Variants in PKIB observed in about 807,000 individuals in gnomAD.
The protein encoded by PKIB is PKI-beta.
In PKIB, 2 loss-of-function variants were observed where a neutral mutation model predicts 4.5. That is an observed-to-expected ratio of 0.44 (90% CI 0.18 to 1.39). The LOEUF is 1.39. Ranked by LOEUF, PKIB falls within the 40% of genes most tolerant of loss-of-function variation. The pLI is 0.27. For missense variants in PKIB, 94 were observed against 92.6 expected, an observed-to-expected ratio of 1.02 and a Z score of -0.06; for synonymous variants, 38 against 36.0, an observed-to-expected ratio of 1.06 and a Z score of -0.20.
chr6:122,503,903 CTGTTA>C (rs1425531465), intron 2 of PKIB, among the ~76,000 whole-genome samples: 14 of 152,158 alleles, frequency 9.2e-5, no homozygotes, highest in African/African-American at 3.4e-4. Flanking sequence ...AAAGTGGTTT[CTGTTA>C]TATTTAGTCA....
intron 2 of PKIB, among the ~76,000 whole-genome samples, chr6:122,533,224 C>T (rs1308964625): frequency 2.0e-5 from 3 of 151,848 alleles, no homozygotes; most frequent in African/African-American, 4.8e-5. Context: ...GACTGGAGTG[C>T]AGTGGCATGA....
intron 2 of PKIB, among the ~76,000 whole-genome samples, chr6:122,563,526 C>A (rs1773094020): frequency 6.6e-6 from 1 of 151,968 alleles, no homozygotes; most frequent in Admixed American, 6.6e-5. Flanking sequence ...CTAGATCTCC[C>A]AAGATTAATA....
chr6:122,612,553 G>C (rs897672670), intron 1 of PKIB, among the ~76,000 whole-genome samples: 1 of 152,022 alleles, frequency 6.6e-6, no homozygotes, highest in African/African-American at 2.4e-5. Flanking sequence ...ATACTATATG[G>C]TCTTTTGCTT....
intron 3 of PKIB, among the ~76,000 whole-genome samples, chr6:122,602,128 G>A (rs1774389049): frequency 6.6e-6 from 1 of 152,092 alleles, no homozygotes; most frequent in Non-Finnish European, 1.5e-5. Context: ...AATCATAGCG[G>A]TGCTTCAACT....
At chr6:122,601,334 C>T (rs1424192428) in intron 3 of PKIB, among the ~76,000 whole-genome samples, 2 of 151,910 alleles carry the variant, frequency 1.3e-5, no homozygotes, top group Non-Finnish European at 2.9e-5. Flanking sequence ...ATTAAAATGA[C>T]TTAAAATTAT....
chr6:122,494,956 A>G lies in PKIB; in HGVS notation c.-248+17017A>G, dbSNP rs946085727. On this transcript the variant is annotated intron_variant, in intron 2 of 6. Coordinates refer to the PKIB transcript ENST00000392491. The stretch of plus-strand genomic sequence containing the variant: ...AGCCACCTGGAGTCTTTGCACAGGC[A>G]CTGTTTAAGCCCATGTGAAGCCCCA... Among the ~76,000 whole-genome samples the G allele has an allele frequency of 3.3e-5, 5 of 152,304 alleles. No homozygotes were observed. In the South Asian group the frequency reaches 8.3e-4, roughly 25 times the overall value.
At chr6:122,594,097 T>C (rs1423248996) in intron 3 of PKIB, among the ~76,000 whole-genome samples, 1 of 151,986 alleles carries the variant, frequency 6.6e-6, no homozygotes, top group Non-Finnish European at 1.5e-5. Flanking sequence ...CAACCAGAAA[T>C]GCACCAATCC....
intron 2 of PKIB, among the ~76,000 whole-genome samples, chr6:122,664,318 G>C (rs1777131497): frequency 6.6e-6 from 1 of 152,172 alleles, no homozygotes; most frequent in Non-Finnish European, 1.5e-5. Flanking sequence ...AATTCAGCTA[G>C]TTATGAATGT....
rs1367149402 is a variant in PKIB at position 122,671,951 on chromosome 6, A to T, written c.-75-3127A>T. Among the ~76,000 whole-genome samples, 5 of 152,156 alleles carry T rather than the reference A, an allele frequency of 3.3e-5. No individual in the cohort carries two copies. In the East Asian group the frequency reaches 7.7e-4, roughly 23 times the overall value. The stretch of plus-strand genomic sequence containing the variant: ...GTTTTACCAAACCCTAGTACCAAAA[A>T]TTACCTTAATTCCTGTTAGTTAATG... On this transcript the variant is annotated intron_variant, in intron 2 of 4. Coordinates refer to ENST00000368452, the MANE Select transcript of PKIB (RefSeq NM_181795.3).
At chr6:122,551,555 T>C (rs927424031) in intron 2 of PKIB, among the ~76,000 whole-genome samples, 6 of 152,202 alleles carry the variant, frequency 3.9e-5, no homozygotes, top group Non-Finnish European at 8.8e-5. Context: ...TTTCTCTCTA[T>C]TGTTCATGTT....
At chr6:122,486,468 T>C (rs2114528138) in intron 2 of PKIB, among the ~76,000 whole-genome samples, 1 of 152,240 alleles carries the variant, frequency 6.6e-6, no homozygotes, top group East Asian at 1.9e-4. Context: ...GCATTTTAAG[T>C]TTATTTCTGT....
At chr6:122,681,862 G>T (rs997093326) in intron 3 of PKIB, among the ~76,000 whole-genome samples, 1 of 152,152 alleles carries the variant, frequency 6.6e-6, no homozygotes, top group Non-Finnish European at 1.5e-5. Flanking sequence ...AACTAATGAG[G>T]CTTGGATATG....
intron 2 of PKIB, among the ~76,000 whole-genome samples, chr6:122,577,106 C>G (rs1391905622): frequency 6.6e-6 from 1 of 152,122 alleles, no homozygotes; most frequent in Non-Finnish European, 1.5e-5. Flanking sequence ...AATAATTACA[C>G]TATAACATTA....
chr6:122,692,408 C>A (rs1442152582), intron 3 of PKIB, among the ~76,000 whole-genome samples: 1 of 152,356 alleles, frequency 6.6e-6, no homozygotes, highest in South Asian at 2.1e-4. Context: ...GACCATGAGA[C>A]AAAGTCCTTC....
intron 2 of PKIB, among the ~76,000 whole-genome samples, chr6:122,561,988 G>GTTTGTGTTTTTTTTTTT (rs1554220234): frequency 2.5e-4 from 6 of 24,262 alleles, no homozygotes; most frequent in East Asian, 1.7e-3. Context: ...TTTTTTGTTT[G>GTTTGTGTTTTTTTTTTT]TTTTTGTTTT....
At chr6:122,480,753 A>G (rs1335896474) in intron 2 of PKIB, 4 of 152,150 alleles carry the variant, frequency 2.6e-5, no homozygotes, top group African/African-American at 7.2e-5. Context: ...TTCTTACTGT[A>G]CAAATACTTT....
chr6:122,581,791 C>G (rs899797533), intron 2 of PKIB: 1 of 151,794 alleles, frequency 6.6e-6, no homozygotes, highest in Non-Finnish European at 1.5e-5. Flanking sequence ...TTAATTGTGC[C>G]AGATGTTTCT....
At chr6:122,706,921 T>G (rs960452081) in intron 3 of PKIB, among the ~76,000 whole-genome samples, 3 of 152,136 alleles carry the variant, frequency 2.0e-5, no homozygotes, top group Admixed American at 6.6e-5. Context: ...ATTTTAAAAC[T>G]AATATATGCA....
chr6:122,542,897 CT>C (rs1386288663), intron 2 of PKIB, among the ~76,000 whole-genome samples: 4 of 152,112 alleles, frequency 2.6e-5, no homozygotes, highest in Non-Finnish European at 5.9e-5. Context: ...CTTTGTTTAC[CT>C]AATCAAGCCT....
Sources: allele counts gnomAD v4.1 joint callset (sites outside exome capture counted in the v4.1 genomes callset), GRCh38; gene constraint gnomAD v4.1.1; transcripts MANE v1.5; gene names NCBI Gene and HGNC (gene_info 2026-07-23, HGNC 2026-07-21).